Variants in MAP2 observed in about 807,000 individuals in gnomAD.
The protein encoded by MAP2 is microtubule associated protein 2.
MAP2 carries 14 observed loss-of-function variants against 137.6 expected under a neutral mutation model. The ratio of observed to expected loss-of-function variants is 0.10; its 90% confidence interval spans 0.07 to 0.16. MAP2 has a LOEUF of 0.16. Ranked by LOEUF, MAP2 falls within the 10% of genes least tolerant of loss-of-function variation. The probability of loss-of-function intolerance (pLI) is 1.00; values close to 1 mark genes in which losing one functional copy is unlikely to be tolerated. For missense variants in MAP2, 2,088 were observed against 2,191.5 expected (o/e 0.95, Z 0.94); for synonymous variants, 786 against 782.3 (o/e 1.00, Z -0.08).
intron 4 of MAP2, among the ~76,000 whole-genome samples, chr2:209,645,211 G>A (rs1415894679): frequency 6.6e-6 from 1 of 152,192 alleles, no homozygotes; most frequent in Non-Finnish European, 1.5e-5. Flanking sequence ...TTCAGGCAAT[G>A]CAATAATAGA....
At chr2:209,725,842 A>C in intron 14 of MAP2, 52 bp downstream of exon 14, 1 of 1,268,894 alleles carries the variant, frequency 7.9e-7, no homozygotes, top group South Asian at 1.5e-5. Flanking sequence ...GAATCAAGAA[A>C]GGGATGAGAA....
rs2067242207 is a variant in MAP2, at chr2:209,542,548, A to T, written c.-172+34907A>T. On this transcript the variant is annotated intron_variant, in intron 2 of 15. Transcript: ENST00000682079. ...TCCTAGATAGGATCTTCTTCCAATA[A>T]AAAGGTTGTTTTATCTACATTAACA... 1.3e-5 allele frequency among the ~76,000 whole-genome samples: 2 copies of T among 152,250 alleles called. 1 individual carries two copies. The highest frequency in any genetic ancestry group is 4.8e-5 in the African/African-American group (2 of 41,452).
At chr2:209,658,539 T>C (rs182733291) in intron 5 of MAP2, among the ~76,000 whole-genome samples, 2 of 152,032 alleles carry the variant, frequency 1.3e-5, no homozygotes, top group South Asian at 2.1e-4. Flanking sequence ...GAAGTCTCGC[T>C]CTTGTCTCCC....
chr2:209,479,007 A>G (rs1708078743), intron 1 of MAP2, among the ~76,000 whole-genome samples: 1 of 152,176 alleles, frequency 6.6e-6, no homozygotes. Flanking sequence ...TTATTTGTTG[A>G]GAATCAATTA....
intron 2 of MAP2, among the ~76,000 whole-genome samples, chr2:209,540,075 T>A (rs1285229670): frequency 8.6e-6 from 1 of 116,626 alleles, no homozygotes; most frequent in Non-Finnish European, 1.6e-5. Flanking sequence ...CACTCGAGAC[T>A]GGGTGACAGA....
intron 4 of MAP2, among the ~76,000 whole-genome samples, chr2:209,646,887 A>G (rs2094454099): frequency 6.6e-6 from 1 of 152,090 alleles, no homozygotes; most frequent in African/African-American, 2.4e-5. Context: ...TTAATAGAAC[A>G]TTTGGTTACT....
chr2:209,556,810 A>C (rs1241920090), intron 2 of MAP2, among the ~76,000 whole-genome samples: 1 of 152,180 alleles, frequency 6.6e-6, no homozygotes, highest in Non-Finnish European at 1.5e-5. Flanking sequence ...GTTGTAAAAA[A>C]ATTTAAACTA....
intron 13 of MAP2, 116 bp downstream of exon 13, chr2:209,710,370 A>G (rs2065008939): frequency 2.2e-6 from 2 of 896,168 alleles, no homozygotes; most frequent in East Asian, 5.3e-5. Flanking sequence ...GCTTGGTTAC[A>G]ATTTATTGCT....
chr2:209,435,414 T>C (rs978339012), intron 1 of MAP2, among the ~76,000 whole-genome samples: 4 of 151,632 alleles, frequency 2.6e-5, no homozygotes, highest in African/African-American at 9.7e-5. Context: ...ACAATAGCAA[T>C]ATCAAAGGCA....
At chr2:209,456,874 A>G (rs905966919) in intron 1 of MAP2, among the ~76,000 whole-genome samples, 1 of 152,192 alleles carries the variant, frequency 6.6e-6, no homozygotes, top group Admixed American at 6.6e-5. Flanking sequence ...ATAAAGAACA[A>G]TCTTCATCTT....
chr2:209,432,934 A>G (rs955475679), intron 1 of MAP2, among the ~76,000 whole-genome samples: 3 of 152,174 alleles, frequency 2.0e-5, no homozygotes, highest in Non-Finnish European at 4.4e-5. Flanking sequence ...AATTAAGATA[A>G]TGCCTTTTAG....
intron 2 of MAP2, among the ~76,000 whole-genome samples, chr2:209,565,365 A>G (rs2073156772): frequency 6.6e-6 from 1 of 151,952 alleles, no homozygotes; most frequent in Non-Finnish European, 1.5e-5. Context: ...CTACAGGTAC[A>G]CACTACCATG....
At chr2:209,528,716 A>ATGTATATG (rs1491492537) in intron 2 of MAP2, among the ~76,000 whole-genome samples, 1 of 151,262 alleles carries the variant, frequency 6.6e-6, no homozygotes, top group African/African-American at 2.4e-5. Flanking sequence ...ATATATATAC[A>ATGTATATG]TGTATATGTA....
At chr2:209,560,378 T>A (rs1236006239) in intron 2 of MAP2, among the ~76,000 whole-genome samples, 3 of 152,190 alleles carry the variant, frequency 2.0e-5, no homozygotes, top group Non-Finnish European at 2.9e-5. Flanking sequence ...TTAGGGAATA[T>A]AAGATTTTTT....
intron 2 of MAP2, among the ~76,000 whole-genome samples, chr2:209,520,962 A>G (rs2063190723): frequency 6.6e-6 from 1 of 152,030 alleles, no homozygotes; most frequent in African/African-American, 2.4e-5. Flanking sequence ...TGGTCTCCCC[A>G]TGTTGGTTAA....
chr2:209,647,180 G>GGGAT (rs1346006335), intron 4 of MAP2, among the ~76,000 whole-genome samples: 22 of 151,992 alleles, frequency 1.4e-4, no homozygotes, highest in Admixed American at 1.4e-3. Context: ...AGTACCAAGG[G>GGGAT]GGATGGTGCT....
chr2:209,485,852 G>T lies in MAP2; in HGVS notation c.-221-21740G>T, dbSNP rs184189469. On this transcript the variant is annotated intron_variant, in intron 1 of 15. Transcript: ENST00000682079. The stretch of plus-strand genomic sequence containing the variant: ...TGTGGCTGGATAGTTGTAGATCAGG[G>T]ATCTGTTAGTTGGAAATGTTCCCTT... Among the ~76,000 whole-genome samples the T allele has an allele frequency of 8.0e-4, 122 of 152,290 alleles. 3 individuals carry two copies. The highest frequency in any genetic ancestry group is 2.9e-3 in the African/African-American group (120 of 41,570).
intron 11 of MAP2, chr2:209,703,960 CAG>C (rs1447729741): frequency 8.8e-6 from 4 of 455,100 alleles, no homozygotes; most frequent in Non-Finnish European, 1.3e-5. Context: ...ATTTGTATAA[CAG>C]ATTTTTTATT....
At chr2:209,494,362 C>T (rs561560860) in intron 1 of MAP2, among the ~76,000 whole-genome samples, 9 of 151,742 alleles carry the variant, frequency 5.9e-5, no homozygotes, top group Admixed American at 2.0e-4. Flanking sequence ...AGCAAACCAC[C>T]GTGGCCCATA....
Sources: allele counts gnomAD v4.1 joint callset (sites outside exome capture counted in the v4.1 genomes callset), GRCh38; gene constraint gnomAD v4.1.1; transcripts MANE v1.5; gene names NCBI Gene and HGNC (gene_info 2026-07-23, HGNC 2026-07-21).